ITLN1: variants seen among roughly 807,000 people sequenced by gnomAD.
The protein encoded by ITLN1 is intelectin-1.
ITLN1 carries 29 observed loss-of-function variants against 36.2 expected under a neutral mutation model. That is an observed-to-expected ratio of 0.80 (90% CI 0.60 to 1.09). The LOEUF is 1.09. Ranked by LOEUF, ITLN1 falls within the 50% of genes least tolerant of loss-of-function variation. The pLI, the probability that ITLN1 is intolerant of heterozygous loss-of-function variation, is 0.00. For synonymous variants in ITLN1, 143 were observed against 146.5 expected (o/e 0.98, Z 0.17); for missense variants, 358 against 405.2 (o/e 0.88, Z 1.00).
At chr1:160,877,377 T>C (rs1213086899) in intron 7 of ITLN1, among the ~76,000 whole-genome samples, 2 of 152,202 alleles carry the variant, frequency 1.3e-5, no homozygotes, top group African/African-American at 4.8e-5. Flanking sequence ...TGCTCCCTAG[T>C]GGAGGACCTA....
At chr1:160,883,768 G>A (rs754616006) in intron 2 of ITLN1, among the ~76,000 whole-genome samples, 10 of 152,266 alleles carry the variant, frequency 6.6e-5, no homozygotes, top group African/African-American at 9.6e-5. Context: ...TCTGCCTCCC[G>A]CCACAAGACC....
intron 6 of ITLN1, among the ~76,000 whole-genome samples, 156 bp downstream of exon 6, chr1:160,880,432 G>T (rs1294232523): frequency 6.6e-6 from 1 of 152,102 alleles, no homozygotes; most frequent in Non-Finnish European, 1.5e-5. Flanking sequence ...GGTTAATAAA[G>T]TTCAGATCTC....
In ITLN1 at chr1:160,884,879, G is replaced by T. The variant is rs746410437; in HGVS notation, c.-2C>A. The T allele has an allele frequency of 1.6e-5, 25 of 1,610,796 alleles. No individual in the cohort carries two copies. The Admixed American group carries it at 4.2e-4, about 27-fold the overall frequency. Reference sequence around the variant, plus strand: ...CAGCAGGAAGCTGAGTTGGTTCATTGTAATCTAAAGAAAGCAAGATGAAGG... The same window carrying T: ...CAGCAGGAAGCTGAGTTGGTTCATTTTAATCTAAAGAAAGCAAGATGAAGG... On this transcript the variant is annotated 5_prime_UTR_variant, in exon 2 of 8. Transcript: ENST00000326245.
At chr1:160,878,667 G>C (rs1295265233) in intron 7 of ITLN1, among the ~76,000 whole-genome samples, 1 of 152,156 alleles carries the variant, frequency 6.6e-6, no homozygotes, top group Non-Finnish European at 1.5e-5. Context: ...TTACAGGCGG[G>C]AGCCACCATG....
intron 3 of ITLN1, 118 bp downstream of exon 3, chr1:160,883,310 T>C (rs1670708492): frequency 3.1e-6 from 2 of 636,182 alleles, no homozygotes; most frequent in Non-Finnish European, 5.5e-6. Context: ...GCAAATCTTA[T>C]GTAAATTATA....
Position 160,881,746 on chromosome 1 carries a change from G to C in ITLN1, c.405+211C>G, listed in dbSNP as rs534891305. On this transcript the variant is annotated intron_variant, in intron 4 of 7. Coordinates refer to ENST00000326245, the MANE Select transcript of ITLN1 (RefSeq NM_017625.3). Reference sequence around the variant, plus strand: ...GAACCCAGGAGGCCGTGGTTGCTATGAGCCGAGATCACACCACTGCACTCC... The same window carrying C: ...GAACCCAGGAGGCCGTGGTTGCTATCAGCCGAGATCACACCACTGCACTCC... 4.1e-5 allele frequency among the ~76,000 whole-genome samples: 6 copies of C among 144,778 alleles called. No individual in the cohort carries two copies. The East Asian group carries it at 8.2e-4, about 20-fold the overall frequency. The allele number at this position is 144,778 out of a possible 152,430, so 95.0% of individuals were successfully genotyped here.
chr1:160,878,865 G>A (rs958925464), intron 7 of ITLN1, among the ~76,000 whole-genome samples: 1 of 152,130 alleles, frequency 6.6e-6, no homozygotes, highest in Admixed American at 6.5e-5. Flanking sequence ...CAACTCCCCA[G>A]TGCAGTGTGT....
intron 2 of ITLN1, among the ~76,000 whole-genome samples, chr1:160,884,573 G>A (rs1012310957): frequency 5.3e-5 from 8 of 152,186 alleles, no homozygotes; most frequent in Non-Finnish European, 1.0e-4. Flanking sequence ...GTGGCTGGAA[G>A]GTGACACAGT....
At chr1:160,879,566 G>T in intron 6 of ITLN1, 152 bp from the exon 7 acceptor site, 1 of 637,080 alleles carries the variant, frequency 1.6e-6, no homozygotes, top group Non-Finnish European at 2.8e-6. Flanking sequence ...GCCAATGGCT[G>T]CTACATCCTG....
intron 6 of ITLN1, 30 bp downstream of exon 6, chr1:160,880,558 C>T (rs529578896): frequency 1.2e-6 from 2 of 1,611,134 alleles, no homozygotes; most frequent in South Asian, 2.2e-5. Flanking sequence ...CCTTTCCTAC[C>T]AGGAGTTCAG....
chr1:160,879,416 T>G lies in ITLN1; in HGVS notation c.686-2A>C, dbSNP rs1221467356. 2.6e-5 allele frequency: 42 copies of G among 1,612,452 alleles called. No individual in the cohort carries two copies. Among genetic ancestry groups the G allele is most frequent in the Non-Finnish European group, 3.5e-5 (41 of 1,178,514 alleles). ...GAACAAATCCCGCAGTGAATTCCCC[T>G]GAAAACAAGAGGCAGAAAACAGCAT... On this transcript the variant is annotated splice_acceptor_variant, in intron 6 of 7. Coordinates refer to ENST00000326245, the MANE Select transcript of ITLN1 (RefSeq NM_017625.3). LOFTEE classifies it high-confidence loss of function.
Position 160,876,617 on chromosome 1 carries a change from G to A in ITLN1, c.*47C>T. 2 of 1,595,658 alleles carry A rather than the reference G, an allele frequency of 1.3e-6. No homozygotes were observed. Among genetic ancestry groups the A allele is most frequent in the Non-Finnish European group, 1.7e-6 (2 of 1,166,060 alleles). The stretch of plus-strand genomic sequence containing the variant: ...TGGGTAAGTTGTTCTCCATCCTTGG[G>A]ATCTCATGGTTGGGAGGAGAGGTCT... On this transcript the variant is annotated 3_prime_UTR_variant, in exon 8 of 8. Coordinates refer to ENST00000326245, the MANE Select transcript of ITLN1 (RefSeq NM_017625.3).
At chr1:160,881,663 G>T (rs563709377) in intron 4 of ITLN1, 3 of 527,704 alleles carry the variant, frequency 5.7e-6, no homozygotes, top group Non-Finnish European at 9.9e-6. Context: ...ACAAAAATTC[G>T]CTGAGTATGG....
intron 4 of ITLN1, 165 bp from the exon 5 acceptor site, chr1:160,881,477 A>G: frequency 1.4e-6 from 1 of 737,784 alleles, no homozygotes; most frequent in Non-Finnish European, 2.1e-6. Context: ...CACCACACCC[A>G]GGGCCCTAAC....
At chr1:160,878,329 C>T (rs1443366683) in intron 7 of ITLN1, among the ~76,000 whole-genome samples, 1 of 151,996 alleles carries the variant, frequency 6.6e-6, no homozygotes, top group Admixed American at 6.6e-5. Flanking sequence ...GAACCATGAG[C>T]CAATTAAACC....
rs764461147 is a variant in ITLN1 at position 160,876,696 on chromosome 1, T to TTC, written c.909_910insGA (p.Thr304GlufsTer26). ...TAGAATAGAAGCACAGCTGCCTCAG[T>TTC]TATCTCACGGCTGCTGCTGTAACCA... On this transcript the variant is annotated frameshift_variant, in exon 8 of 8. Transcript: ENST00000326245. LOFTEE classifies it high-confidence loss of function. 1 of 1,614,198 alleles carries TTC rather than the reference T, an allele frequency of 6.2e-7. No homozygotes were observed. The highest frequency in any genetic ancestry group is 8.5e-7 in the Non-Finnish European group (1 of 1,180,040).
At chr1:160,878,289 G>A (rs963670876) in intron 7 of ITLN1, among the ~76,000 whole-genome samples, 3 of 152,034 alleles carry the variant, frequency 2.0e-5, no homozygotes, top group Admixed American at 6.5e-5. Flanking sequence ...CCCAGAAGCC[G>A]AAGCCGCTAT....
chr1:160,877,922 A>G (rs1571140335), intron 7 of ITLN1, among the ~76,000 whole-genome samples: 1 of 152,296 alleles, frequency 6.6e-6, no homozygotes, highest in African/African-American at 2.4e-5. Flanking sequence ...TAATCCTAGC[A>G]CTATGGGAAG....
chr1:160,881,378 T>A (rs77521168), intron 4 of ITLN1, 66 bp from the exon 5 acceptor site: 88,542 of 1,489,892 alleles, frequency 0.059, 3,054 homozygotes, highest in Middle Eastern at 0.13. Context: ...GGTCCACACA[T>A]GCAACTTCAG....
Sources: allele counts gnomAD v4.1 joint callset (sites outside exome capture counted in the v4.1 genomes callset), GRCh38; gene constraint gnomAD v4.1.1; transcripts MANE v1.5; gene names NCBI Gene and HGNC (gene_info 2026-07-23, HGNC 2026-07-21).